Variants in DDX42 observed in about 807,000 individuals in gnomAD.
The protein encoded by DDX42 is ATP-dependent RNA helicase DDX42.
Under a neutral mutation model 101.5 loss-of-function variants are expected in DDX42, and 22 were observed. The observed-to-expected ratio is 0.22, with a 90% CI of 0.15 to 0.31. The LOEUF (loss-of-function observed/expected upper bound fraction) is 0.31. Among genes scored for constraint, DDX42 ranks in the 10% least tolerant of loss-of-function variants. The pLI is 1.00. For synonymous variants in DDX42, 402 were observed against 401.2 expected (o/e 1.00, Z -0.02); for missense variants, 849 against 1,199.9 (o/e 0.71, Z 4.32).
At position 63,817,003 on chromosome 17, in the gene DDX42, A is replaced by C. The variant is rs747745316; in HGVS notation, c.2112+37A>C. The C allele has an allele frequency of 2.8e-5, 45 of 1,583,646 alleles. No homozygotes were observed. The Admixed American group carries it at 6.9e-4, about 24-fold the overall frequency. ...GCATTTCATTAAAAGCACTTTCAGC[A>C]GTAACTCTTGGGCAGTGACAGAGGG... On this transcript the variant is annotated intron_variant, in intron 17 of 17. Coordinates refer to ENST00000389924, the MANE Select transcript of DDX42 (RefSeq NM_203499.3).
chr17:63,805,321 GT>G, intron 7 of DDX42, 146 bp downstream of exon 7: 1 of 950,018 alleles, frequency 1.1e-6, no homozygotes, highest in African/African-American at 1.7e-5. Flanking sequence ...TATCCCTTCT[GT>G]TCATGTCTCT....
intron 6 of DDX42, among the ~76,000 whole-genome samples, chr17:63,802,835 A>G (rs2039788422): frequency 6.6e-6 from 1 of 151,452 alleles, no homozygotes; most frequent in South Asian, 2.1e-4. Flanking sequence ...ACTCAAATCC[A>G]GGAGGCGGAG....
intron 3 of DDX42, among the ~76,000 whole-genome samples, chr17:63,793,216 A>G (rs983807100): frequency 5.3e-5 from 8 of 150,234 alleles, no homozygotes; most frequent in African/African-American, 1.2e-4. Flanking sequence ...GTTTTATCCA[A>G]TCTCTCCCAC....
chr17:63,810,779 TAAAC>T (rs1389524019), intron 12 of DDX42, among the ~76,000 whole-genome samples: 1 of 152,220 alleles, frequency 6.6e-6, no homozygotes, highest in Non-Finnish European at 1.5e-5. Context: ...AGAAATTAAA[TAAAC>T]TGCCCTAAAT....
chr17:63,788,050 A>G (rs1345022481), intron 2 of DDX42, among the ~76,000 whole-genome samples: 1 of 151,720 alleles, frequency 6.6e-6, no homozygotes. Flanking sequence ...GATTACAGGC[A>G]TGCACCACCA....
chr17:63,788,019 C>T (rs546934655), intron 2 of DDX42, among the ~76,000 whole-genome samples: 1 of 150,906 alleles, frequency 6.6e-6, no homozygotes, highest in Non-Finnish European at 1.5e-5. Context: ...ATTCTCCAGC[C>T]TCACCCTCCT....
At chr17:63,779,173 T>C (rs890305488) in intron 1 of DDX42, among the ~76,000 whole-genome samples, 3 of 152,238 alleles carry the variant, frequency 2.0e-5, no homozygotes, top group Non-Finnish European at 4.4e-5. Flanking sequence ...TTTTTATTTT[T>C]TGGCACCCCA....
chr17:63,789,419 G>T (rs1240921842), intron 2 of DDX42, among the ~76,000 whole-genome samples: 2 of 151,876 alleles, frequency 1.3e-5, no homozygotes, highest in Non-Finnish European at 2.9e-5. Flanking sequence ...TTGCTTTGTT[G>T]CCCGGGCTGG....
At chr17:63,797,874 G>A (rs985183555) in intron 3 of DDX42, among the ~76,000 whole-genome samples, 164 bp from the exon 4 acceptor site, 1 of 152,164 alleles carries the variant, frequency 6.6e-6, no homozygotes, top group Admixed American at 6.5e-5. Flanking sequence ...ACAGCATTTA[G>A]TTATTTCTCT....
chr17:63,787,907 T>TTG (rs1450500047), intron 2 of DDX42, among the ~76,000 whole-genome samples: 2 of 120,758 alleles, frequency 1.7e-5, no homozygotes, highest in Non-Finnish European at 3.3e-5. Flanking sequence ...TTCATGTGGT[T>TTG]TTTTTTTTTT....
intron 2 of DDX42, among the ~76,000 whole-genome samples, chr17:63,791,325 G>A (rs188259640): frequency 2.2e-4 from 34 of 151,912 alleles, no homozygotes; most frequent in Admixed American, 1.1e-3. Context: ...TTTTTTCCTC[G>A]TTTTTTGAGA....
intron 2 of DDX42, among the ~76,000 whole-genome samples, chr17:63,789,604 G>A (rs1360024394): frequency 8.9e-6 from 1 of 112,458 alleles, no homozygotes; most frequent in African/African-American, 3.6e-5. Flanking sequence ...ACAGAGTTTC[G>A]CTCTTGTTGC....
Position 63,817,720 on chromosome 17 carries a change from A to C in DDX42, c.2139A>C (p.Ala713=). The C allele has an allele frequency of 6.2e-7, 1 of 1,614,198 alleles. No individual in the cohort carries two copies. The highest frequency in any genetic ancestry group is 8.5e-7 in the Non-Finnish European group (1 of 1,180,024). The change falls in exon 18 of 18, where the codon GCA becomes GCC. Residue 713 remains alanine (A), a synonymous_variant. Coordinates refer to ENST00000389924, the MANE Select transcript of DDX42 (RefSeq NM_203499.3). ...FQSQYKSHFV[A]ASLSNQKAGS... ...CACAGTACAAGAGTCACTTTGTTGC[A>C]GCCAGTTTAAGTAATCAGAAGGCTG... is the stretch of plus-strand genomic sequence containing the variant.
chr17:63,816,878 A>G lies in DDX42; in HGVS notation c.2024A>G (p.Asn675Ser). 1 of 1,611,860 alleles carries G rather than the reference A, an allele frequency of 6.2e-7. No individual in the cohort carries two copies. The highest frequency in any genetic ancestry group is 8.5e-7 in the Non-Finnish European group (1 of 1,179,304). Reference sequence around the variant, plus strand: ...TGTTTATTTTTTTAGGATCGAGGAAATAACAATGTAATGAGCAATTATGAG... The same window carrying G: ...TGTTTATTTTTTTAGGATCGAGGAAGTAACAATGTAATGAGCAATTATGAG... ...GLGSENMDRG[N>S]NNVMSNYEAY... is the part of the protein sequence containing the mutation. The change falls in exon 17 of 18, where the codon AAT (asparagine) becomes AGT (serine). Residue 675 changes from asparagine to serine, a missense_variant. This residue lies in a region of DDX42 where 86 missense variants were observed against 160.8 expected (regional missense o/e 0.53). Transcript: ENST00000389924.
intron 6 of DDX42, among the ~76,000 whole-genome samples, 193 bp from the exon 7 acceptor site, chr17:63,804,878 T>C (rs1277892218): frequency 1.3e-5 from 2 of 152,184 alleles, no homozygotes; most frequent in Admixed American, 1.3e-4. Context: ...GGTGTTTATA[T>C]TGAAAATAGG....
At chr17:63,775,562 G>A (rs1298278067) in intron 1 of DDX42, among the ~76,000 whole-genome samples, 1 of 152,218 alleles carries the variant, frequency 6.6e-6, no homozygotes, top group Non-Finnish European at 1.5e-5. Flanking sequence ...AAGCGGACTA[G>A]AAGGTGGAGT....
intron 17 of DDX42, 177 bp downstream of exon 17, chr17:63,817,143 G>A (rs2039986448): frequency 5.2e-6 from 3 of 577,148 alleles, no homozygotes; most frequent in African/African-American, 1.9e-5. Flanking sequence ...AATGCAAGTT[G>A]ATCTAGAGAA....
chr17:63,809,871 C>T (rs1175346158), intron 11 of DDX42, among the ~76,000 whole-genome samples: 1 of 152,084 alleles, frequency 6.6e-6, no homozygotes, highest in Non-Finnish European at 1.5e-5. Flanking sequence ...TTCAAAGTGC[C>T]TTTGTATATA....
chr17:63,798,675 A>G (rs1056615547), intron 4 of DDX42, among the ~76,000 whole-genome samples: 1 of 152,234 alleles, frequency 6.6e-6, no homozygotes, highest in Non-Finnish European at 1.5e-5. Context: ...TGTAGCAGCC[A>G]TAGTCAGAAC....
Sources: allele counts gnomAD v4.1 joint callset (sites outside exome capture counted in the v4.1 genomes callset), GRCh38; gene constraint gnomAD v4.1.1; regional missense constraint gnomAD v4.1.1; transcripts MANE v1.5; gene names NCBI Gene and HGNC (gene_info 2026-07-23, HGNC 2026-07-21).